Variants in CRACDL observed in about 807,000 individuals in gnomAD.
The protein encoded by CRACDL is CRACD-like protein.
CRACDL carries 26 observed loss-of-function variants against 70.6 expected under a neutral mutation model. The observed-to-expected ratio is 0.37, with a 90% CI of 0.27 to 0.51. The LOEUF (loss-of-function observed/expected upper bound fraction) is 0.51. CRACDL is among the 20% of genes least tolerant of loss of function. The probability of loss-of-function intolerance (pLI) is 0.94; values close to 1 mark genes in which losing one functional copy is unlikely to be tolerated. For synonymous variants in CRACDL, 618 were observed against 615.2 expected (o/e 1.00, Z -0.07); for missense variants, 1,283 against 1,376.9 (o/e 0.93, Z 1.08).
chr2:98,922,211 G>T (rs1170921027), intron 1 of CRACDL, among the ~76,000 whole-genome samples: 2 of 151,948 alleles, frequency 1.3e-5, no homozygotes, highest in East Asian at 3.9e-4. Context: ...TGAGGCAGGT[G>T]GATCATGAGG....
chr2:98,830,373 T>TAAGCCTGTGGG (rs1396201162), intron 5 of CRACDL, among the ~76,000 whole-genome samples: 1 of 152,248 alleles, frequency 6.6e-6, no homozygotes, highest in Non-Finnish European at 1.5e-5. Context: ...GGCCTGTGTG[T>TAAGCCTGTGGG]AAGCCTGTGG....
At chr2:98,910,671 C>G (rs1039328183) in intron 1 of CRACDL, among the ~76,000 whole-genome samples, 13 of 152,198 alleles carry the variant, frequency 8.5e-5, no homozygotes, top group Non-Finnish European at 1.5e-4. Flanking sequence ...GCCTCAAAGC[C>G]GAGAGAGTGG....
At position 98,832,957 on chromosome 2, in the gene CRACDL, C is replaced by G; in HGVS notation, c.280G>C (p.Asp94His). 6.2e-7 allele frequency: 1 copy of G among 1,614,082 alleles called. No homozygotes were observed. Among genetic ancestry groups the G allele is most frequent in the East Asian group, 2.2e-5 (1 of 44,870 alleles). Residue 94 changes from aspartate to histidine, a missense_variant, in exon 4 of 10, where the codon GAC becomes CAC. Physicochemically the swap from Asp to His is moderately conservative, Grantham distance 81. Coordinates refer to ENST00000397899, the MANE Select transcript of CRACDL (RefSeq NM_207362.3). ...CCGGACTCAGGAATGAAAATACTGT[C>G]GTGAGAAAGGGCCCGGCTGCCCAGC... is the stretch of plus-strand genomic sequence containing the variant. Reference protein sequence around the residue: ...GTLGSRALSHDSIFIPESGQD... With the variant: ...GTLGSRALSHHSIFIPESGQD...
intron 1 of CRACDL, among the ~76,000 whole-genome samples, chr2:98,909,113 A>T (rs1025521335): frequency 2.0e-5 from 3 of 152,036 alleles, no homozygotes; most frequent in African/African-American, 7.3e-5. Flanking sequence ...TTCCTCTGAG[A>T]CTCTGGGGAG....
At chr2:98,808,614 C>G (rs140351759) in intron 7 of CRACDL, among the ~76,000 whole-genome samples, 245 of 152,296 alleles carry the variant, frequency 1.6e-3, no homozygotes, top group Non-Finnish European at 2.9e-3. Flanking sequence ...GTCCCCAGGA[C>G]ATCTACCCCC....
intron 1 of CRACDL, among the ~76,000 whole-genome samples, chr2:98,865,333 C>A (rs1439988686): frequency 1.3e-5 from 2 of 152,114 alleles, no homozygotes; most frequent in Non-Finnish European, 2.9e-5. Flanking sequence ...CAGGATGTGT[C>A]AAGACCTCCC....
chr2:98,898,446 AG>A (rs1708184021), intron 1 of CRACDL, among the ~76,000 whole-genome samples: 1 of 152,284 alleles, frequency 6.6e-6, no homozygotes, highest in African/African-American at 2.4e-5. Context: ...ACGGAGGGCC[AG>A]GGTGACCAGC....
Position 98,794,703 on chromosome 2 carries a change from C to T in CRACDL, c.2750-32G>A. 3 of 1,585,058 alleles carry T rather than the reference C, an allele frequency of 1.9e-6. No homozygotes were observed. In the African/African-American group the frequency reaches 4.0e-5, roughly 21 times the overall value. On this transcript the variant is annotated intron_variant, in intron 9 of 9. Coordinates refer to ENST00000397899, the MANE Select transcript of CRACDL (RefSeq NM_207362.3). ...GGAAGGGAGACAAAACCAACAGAAA[C>T]ATGAGCAGTGACTTCGAATTTTCCC...
At chr2:98,810,687 TAAACC>T in intron 7 of CRACDL, among the ~76,000 whole-genome samples, 1 of 152,302 alleles carries the variant, frequency 6.6e-6, no homozygotes, top group Non-Finnish European at 1.5e-5. Flanking sequence ...GGAAGAAGTG[TAAACC>T]AGCACAACCT....
Position 98,812,683 on chromosome 2 carries a change from C to T in CRACDL, c.2416+9174G>A, listed in dbSNP as rs543405727. On this transcript the variant is annotated intron_variant, in intron 7 of 9. Transcript: ENST00000397899. ...GAAATGTCTGTTCATGTCTTTTGCC[C>T]GTTTTCTAATTGGTTTGCTGTTTTT... 1.4e-4 allele frequency among the ~76,000 whole-genome samples: 21 copies of T among 150,688 alleles called. No homozygotes were observed. The East Asian group carries it at 3.7e-3, about 26-fold the overall frequency.
chr2:98,805,246 T>C (rs1704237339), intron 7 of CRACDL, among the ~76,000 whole-genome samples: 1 of 152,122 alleles, frequency 6.6e-6, no homozygotes, highest in Non-Finnish European at 1.5e-5. Flanking sequence ...TCTGTGCATT[T>C]CTCTGTATGC....
At chr2:98,811,391 T>C (rs1318818569) in intron 7 of CRACDL, among the ~76,000 whole-genome samples, 1 of 151,520 alleles carries the variant, frequency 6.6e-6, no homozygotes, top group East Asian at 1.9e-4. Context: ...GTGCCTGTAG[T>C]CCCAGCTACT....
intron 9 of CRACDL, 90 bp downstream of exon 9, chr2:98,796,030 G>C: frequency 7.7e-7 from 1 of 1,305,554 alleles, no homozygotes; most frequent in South Asian, 1.2e-5. Flanking sequence ...CAAGTAATTT[G>C]CAAAAACCAA....
intron 1 of CRACDL, among the ~76,000 whole-genome samples, chr2:98,889,579 C>A (rs999896766): frequency 6.6e-6 from 1 of 152,112 alleles, no homozygotes; most frequent in Admixed American, 6.6e-5. Context: ...ATCTTCAATA[C>A]CCTACTTCAA....
intron 7 of CRACDL, among the ~76,000 whole-genome samples, chr2:98,806,128 C>T (rs889307958): frequency 1.3e-5 from 2 of 152,184 alleles, no homozygotes; most frequent in African/African-American, 4.8e-5. Flanking sequence ...CAGTCCTTGT[C>T]CCAGGGCAGG....
chr2:98,823,076 C>A lies in CRACDL; in HGVS notation c.1197G>T (p.Ala399=), dbSNP rs750122514. The A allele has an allele frequency of 6.4e-7, 1 of 1,572,876 alleles. No individual in the cohort carries two copies. The highest frequency in any genetic ancestry group is 8.6e-7 in the Non-Finnish European group (1 of 1,162,734). ...EEVVCAPEDV[A]SPFPTAIPEG... Reference sequence around the variant, plus strand: ...CAGGGATGGCGGTGGGAAACGGGCTCGCGACGTCTTCGGGAGCACAGACCA... The same window carrying A: ...CAGGGATGGCGGTGGGAAACGGGCTAGCGACGTCTTCGGGAGCACAGACCA... Residue 399 remains alanine, a synonymous_variant, in exon 7 of 10, where the codon GCG becomes GCT. Coordinates refer to ENST00000397899, the MANE Select transcript of CRACDL (RefSeq NM_207362.3). The surrounding 1 kb of genome is among the most constrained non-coding windows in gnomAD (Gnocchi z 4.0).
intron 2 of CRACDL, among the ~76,000 whole-genome samples, chr2:98,845,617 T>G (rs1706224916): frequency 6.6e-6 from 1 of 152,196 alleles, no homozygotes; most frequent in Non-Finnish European, 1.5e-5. Context: ...AAGATCACTA[T>G]TTGAAAAAAA....
At chr2:98,806,725 A>G (rs933902954) in intron 7 of CRACDL, among the ~76,000 whole-genome samples, 2 of 152,250 alleles carry the variant, frequency 1.3e-5, no homozygotes, top group African/African-American at 2.4e-5. Context: ...TTATTTAAAA[A>G]TAACTTTGAG....
At chr2:98,925,403 C>G (rs1373609238) in intron 1 of CRACDL, among the ~76,000 whole-genome samples, 1 of 152,148 alleles carries the variant, frequency 6.6e-6, no homozygotes, top group Non-Finnish European at 1.5e-5. Flanking sequence ...AGGAAAGGAC[C>G]CTGGGTTCAA....
Sources: allele counts gnomAD v4.1 joint callset (sites outside exome capture counted in the v4.1 genomes callset), GRCh38; gene constraint gnomAD v4.1.1; non-coding constraint Gnocchi (gnomAD v3.1); transcripts MANE v1.5; gene names NCBI Gene and HGNC (gene_info 2026-07-23, HGNC 2026-07-21).